C9: variants seen among roughly 807,000 people sequenced by gnomAD.
C9 encodes the protein complement C9.
A neutral mutation model predicts 65.4 loss-of-function variants in C9; 63 were observed. That is an observed-to-expected ratio of 0.96 (90% CI 0.79 to 1.19). The LOEUF is 1.19. Among genes scored for constraint, C9 ranks in the 50% most tolerant of loss-of-function variants. The probability of loss-of-function intolerance (pLI) is 0.00; values close to 1 mark genes in which losing one functional copy is unlikely to be tolerated. For synonymous variants in C9, 229 were observed against 227.9 expected (o/e 1.00, Z -0.04); for missense variants, 744 against 670.1 (o/e 1.11, Z -1.22).
intron 9 of C9, among the ~76,000 whole-genome samples, chr5:39,301,523 A>T (rs902279610): frequency 1.3e-5 from 2 of 152,140 alleles, no homozygotes; most frequent in African/African-American, 2.4e-5. Context: ...TAACATTAGG[A>T]GCTGGGAGAT....
intron 4 of C9, 62 bp downstream of exon 4, chr5:39,341,084 T>C (rs1049324564): frequency 1.3e-6 from 2 of 1,559,368 alleles, no homozygotes; most frequent in South Asian, 2.2e-5. Flanking sequence ...TCTATCACAA[T>C]GAGAGAGATG....
intron 4 of C9, among the ~76,000 whole-genome samples, chr5:39,334,663 C>T (rs1414655633): frequency 1.3e-5 from 2 of 151,234 alleles, no homozygotes; most frequent in African/African-American, 2.5e-5. Flanking sequence ...AGCCCCTCTG[C>T]CCGGCCAGCC....
chr5:39,313,380 CCTCATCTTCTTA>C (rs1753520308), intron 6 of C9, among the ~76,000 whole-genome samples: 2 of 59,400 alleles, frequency 3.4e-5, no homozygotes, highest in Non-Finnish European at 1.1e-4. Context: ...ACTTCTTAGC[CCTCATCTTCTTA>C]GCCCTCATCT....
At chr5:39,334,811 G>A (rs957542092) in intron 4 of C9, among the ~76,000 whole-genome samples, 1 of 152,206 alleles carries the variant, frequency 6.6e-6, no homozygotes, top group African/African-American at 2.4e-5. Flanking sequence ...CCCCATCTGG[G>A]AGGTGTGCCC....
At chr5:39,332,916 A>C (rs1753870384) in intron 4 of C9, among the ~76,000 whole-genome samples, 1 of 152,240 alleles carries the variant, frequency 6.6e-6, no homozygotes, top group South Asian at 2.1e-4. Flanking sequence ...CTTTGAATCT[A>C]CGAAGTTCCA....
chr5:39,342,201 G>C lies in C9; in HGVS notation c.78-5C>G. ...TCTGTTAGCTCTGGGTCATAACTAAGATAACAGAACATCCCAGTTTATAAT... is the reference window on the plus strand; with the variant it reads ...TCTGTTAGCTCTGGGTCATAACTAACATAACAGAACATCCCAGTTTATAAT... On this transcript the variant is annotated splice_polypyrimidine_tract_variant and splice_region_variant and intron_variant, in intron 1 of 10. Transcript: ENST00000263408. 6.8e-7 allele frequency: 1 copy of C among 1,473,704 alleles called. No homozygotes were observed. The highest frequency in any genetic ancestry group is 9.5e-7 in the Non-Finnish European group (1 of 1,052,162). 91.3% of individuals were successfully genotyped at this position (1,473,704 alleles called of 1,614,324 possible). A position where few individuals can be genotyped will look rare whatever the true frequency, so the allele number is the denominator to read the frequency against.
intron 7 of C9, among the ~76,000 whole-genome samples, chr5:39,309,967 C>T (rs1157290915): frequency 6.6e-6 from 1 of 152,090 alleles, no homozygotes; most frequent in Non-Finnish European, 1.5e-5. Context: ...GTACCCTTCC[C>T]TTACGTGATA....
chr5:39,323,637 A>T (rs1579858325), intron 5 of C9, among the ~76,000 whole-genome samples: 1 of 151,672 alleles, frequency 6.6e-6, no homozygotes, highest in East Asian at 1.9e-4. Context: ...GATTAGAAAA[A>T]CTCTCAACAA....
intron 7 of C9, among the ~76,000 whole-genome samples, chr5:39,309,850 C>CT (rs951423674): frequency 6.6e-5 from 10 of 152,096 alleles, no homozygotes; most frequent in African/African-American, 1.4e-4. Flanking sequence ...TCCTATGGAG[C>CT]TTTTTCATCA....
chr5:39,346,333 G>C (rs1754194776), intron 1 of C9, among the ~76,000 whole-genome samples: 2 of 152,144 alleles, frequency 1.3e-5, no homozygotes, highest in African/African-American at 4.8e-5. Flanking sequence ...AAATGACAAA[G>C]GGGATATCAC....
At chr5:39,316,396 T>A (rs1753570288) in intron 5 of C9, among the ~76,000 whole-genome samples, 1 of 152,242 alleles carries the variant, frequency 6.6e-6, no homozygotes, top group Non-Finnish European at 1.5e-5. Context: ...ATGTGCAGGT[T>A]TGCTACATAG....
At chr5:39,341,341 C>A (rs1561350353) in intron 3 of C9, 48 bp from the exon 4 acceptor site, 7 of 1,604,962 alleles carry the variant, frequency 4.4e-6, no homozygotes, top group Non-Finnish European at 6.0e-6. Flanking sequence ...GTCAAATTTT[C>A]TCTTTCTTTC....
chr5:39,341,625 G>C lies in C9; in HGVS notation c.259C>G (p.Gln87Glu), dbSNP rs1434625424. ...TCACAGGGCTCTGTGGGCACACACT[G>C]TCGTCTGTCTCCCACAGCGTCGGTG... ...RCTDAVGDRR[Q>E]CVPTEPCEDA... is the part of the protein sequence containing the mutation. Residue 87 changes from glutamine to glutamate, a missense_variant, in exon 3 of 11, where the codon CAG (glutamine) becomes GAG (glutamate). By Grantham distance (29) the Gln-to-Glu change is conservative. Transcript: ENST00000263408. 6.2e-7 allele frequency: 1 copy of C among 1,613,798 alleles called. No homozygotes were observed.
chr5:39,345,003 C>A (rs985398378), intron 1 of C9, among the ~76,000 whole-genome samples: 1 of 152,164 alleles, frequency 6.6e-6, no homozygotes, highest in Admixed American at 6.5e-5. Context: ...CCCTGCCCTA[C>A]AGGAGCTCCT....
At chr5:39,359,567 A>G (rs1719679227) in intron 1 of C9, among the ~76,000 whole-genome samples, 1 of 151,956 alleles carries the variant, frequency 6.6e-6, no homozygotes, top group African/African-American at 2.4e-5. Context: ...ATTTTTTTTT[A>G]AGTTAAAATA....
In C9 at chr5:39,319,527, G is replaced by A. The variant is rs994230889; in HGVS notation, c.616-3498C>T. 2.3e-4 allele frequency among the ~76,000 whole-genome samples: 35 copies of A among 152,078 alleles called. 1 individual carries two copies. The highest frequency in any genetic ancestry group is 8.3e-4 in the South Asian group (4 of 4,830). On this transcript the variant is annotated intron_variant, in intron 5 of 10. Coordinates refer to ENST00000263408, the MANE Select transcript of C9 (RefSeq NM_001737.5). Reference sequence around the variant, plus strand: ...ATAACCCAATGCCAGGTCAGCACCCGTACACCTCAGCTTCAGGCCAGCTTC... The same window carrying A: ...ATAACCCAATGCCAGGTCAGCACCCATACACCTCAGCTTCAGGCCAGCTTC...
At chr5:39,345,081 A>T (rs1363318822) in intron 1 of C9, among the ~76,000 whole-genome samples, 1 of 151,998 alleles carries the variant, frequency 6.6e-6, no homozygotes, top group East Asian at 1.9e-4. Context: ...CAAATTGTAA[A>T]GATCATCAAT....
chr5:39,354,077 G>A (rs765487524), intron 1 of C9, among the ~76,000 whole-genome samples: 8 of 152,222 alleles, frequency 5.3e-5, no homozygotes, highest in Admixed American at 1.3e-4. Context: ...ATCTGGAGGT[G>A]TGATGAGCTT....
At chr5:39,347,196 A>C (rs1475265053) in intron 1 of C9, among the ~76,000 whole-genome samples, 1 of 152,204 alleles carries the variant, frequency 6.6e-6, no homozygotes, top group Non-Finnish European at 1.5e-5. Flanking sequence ...AGAAAGAAAT[A>C]AAGGGTATTC....
Sources: allele counts gnomAD v4.1 joint callset (sites outside exome capture counted in the v4.1 genomes callset), GRCh38; gene constraint gnomAD v4.1.1; transcripts MANE v1.5; gene names NCBI Gene and HGNC (gene_info 2026-07-23, HGNC 2026-07-21).